The following EFTUD2 variants were observed in gnomAD, a reference collection of about 807,000 sequenced individuals.
The protein encoded by EFTUD2 is 116 kDa U5 small nuclear ribonucleoprotein component.
Under a neutral mutation model 114.3 loss-of-function variants are expected in EFTUD2, and 9 were observed. The ratio of observed to expected loss-of-function variants is 0.08; its 90% CI spans 0.05 to 0.14. The LOEUF (loss-of-function observed/expected upper bound fraction) is 0.14. Among genes scored for constraint, EFTUD2 ranks in the 10% least tolerant of loss-of-function variants. The probability of loss-of-function intolerance (pLI) is 1.00; values close to 1 mark genes in which losing one functional copy is unlikely to be tolerated. For missense variants in EFTUD2, 765 were observed against 1,241.2 expected (o/e 0.62, Z 5.76); for synonymous variants, 449 against 462.3 (o/e 0.97, Z 0.37).
chr17:44,870,884 G>A (rs1023120493), intron 11 of EFTUD2, among the ~76,000 whole-genome samples: 3 of 151,976 alleles, frequency 2.0e-5, no homozygotes, highest in Non-Finnish European at 4.4e-5. Context: ...TGGGCATGGT[G>A]GCATGTACCT....
rs530426791 is a variant in EFTUD2, at chr17:44,894,326, C to T, written c.105+91G>A. On this transcript the variant is annotated intron_variant, in intron 2 of 27. Transcript: ENST00000426333. ...TGGAGGTTGCAGTGAGCTGAGATTG[C>T]GCCACTGCACTCCAACCTGGCAAGA... 76 of 1,066,944 alleles carry T rather than the reference C, an allele frequency of 7.1e-5. No homozygotes were observed. In the Admixed American group the frequency reaches 1.0e-3, roughly 15 times the overall value. The allele number at this position is 1,066,944 out of a possible 1,614,324, so 66.1% of individuals were successfully genotyped here. A position where few individuals can be genotyped will look rare whatever the true frequency, so the allele number is the denominator to read the frequency against.
intron 13 of EFTUD2, among the ~76,000 whole-genome samples, chr17:44,865,456 C>T (rs191854405): frequency 6.6e-6 from 1 of 152,288 alleles, no homozygotes; most frequent in Admixed American, 6.5e-5. Context: ...AAAAAGGTCA[C>T]CTTGCTGTGG....
chr17:44,868,141 C>T, intron 12 of EFTUD2, 146 bp downstream of exon 12: 1 of 853,356 alleles, frequency 1.2e-6, no homozygotes, highest in Non-Finnish European at 1.7e-6. Context: ...GGAAGCCAAC[C>T]CATTTAGGGG....
rs764804346 is a variant in EFTUD2, at chr17:44,885,282, T to C, written c.324A>G (p.Thr108=). ...CCATCTCATACACCGTAACAGGTAA[T>C]GTCTGCTCCATCAGAGTGAATTTCT... is the stretch of plus-strand genomic sequence containing the variant. ...KTKKFTLMEQ[T]LPVTVYEMDF... Residue 108 remains threonine (T), a synonymous_variant, in exon 4 of 28, where the codon ACA becomes ACG. Transcript: ENST00000426333. 1.2e-6 allele frequency: 2 copies of C among 1,614,030 alleles called. No individual in the cohort carries two copies. Among genetic ancestry groups the C allele is most frequent in the East Asian group, 2.2e-5 (1 of 44,874 alleles).
At chr17:44,860,580 G>T (rs1469188641) in intron 16 of EFTUD2, 37 bp from the exon 17 acceptor site, 2 of 1,299,702 alleles carry the variant, frequency 1.5e-6, no homozygotes, top group Non-Finnish European at 2.2e-6. Flanking sequence ...TGAAACTTAG[G>T]CAGAGCATTC....
At position 44,865,070 on chromosome 17, in the gene EFTUD2, G is replaced by A. The variant is rs376899728; in HGVS notation, c.1150-5C>T. 3 of 1,614,162 alleles carry A rather than the reference G, an allele frequency of 1.9e-6. No individual in the cohort carries two copies. The highest frequency in any genetic ancestry group is 1.3e-5 in the African/African-American group (1 of 75,034). On this transcript the variant is annotated splice_polypyrimidine_tract_variant and splice_region_variant and intron_variant, in intron 13 of 27. Transcript: ENST00000426333. The stretch of plus-strand genomic sequence containing the variant: ...GGTGTCCACGTCACCTACAACCTGT[G>A]AGGGTGTAAGACACCATGTCAGCTG...
intron 2 of EFTUD2, among the ~76,000 whole-genome samples, chr17:44,890,475 C>T (rs2051259573): frequency 6.6e-6 from 1 of 151,520 alleles, no homozygotes; most frequent in Non-Finnish European, 1.5e-5. Context: ...GGCAGATCAC[C>T]TAAGGTTGGG....
At chr17:44,870,044 C>T (rs1361928472) in intron 11 of EFTUD2, among the ~76,000 whole-genome samples, 2 of 152,194 alleles carry the variant, frequency 1.3e-5, no homozygotes, top group Admixed American at 1.3e-4. Context: ...GGCATAGTTT[C>T]CCCTCATGTA....
Position 44,850,913 on chromosome 17 carries a change from G to C in EFTUD2, c.*361C>G. 1 of 293,902 alleles carries C rather than the reference G, an allele frequency of 3.4e-6. No individual in the cohort carries two copies. The highest frequency in any genetic ancestry group is 1.2e-3 in the Middle Eastern group (1 of 824). 18.2% of individuals were successfully genotyped at this position (293,902 alleles called of 1,614,324 possible). On this transcript the variant is annotated 3_prime_UTR_variant, in exon 28 of 28. Coordinates refer to ENST00000426333, the MANE Select transcript of EFTUD2 (RefSeq NM_004247.4). ...GATGAAAGGAGCAGAGCAAGACAGA[G>C]GTCAGAATGTTCTGTTCACTTGCAA...
rs75764742 is a variant in EFTUD2, at chr17:44,866,944, A to G, written c.1149+863T>C. On this transcript the variant is annotated intron_variant, in intron 13 of 27. Transcript: ENST00000426333. ...AATGGCAAGACCCTGTCTCTACACA[A>G]AATTTTTTAAAAGTTAGCCAGGCAT... 8.8e-3 allele frequency among the ~76,000 whole-genome samples: 1,345 copies of G among 152,178 alleles called. 17 individuals are homozygous for G. Among genetic ancestry groups the G allele is most frequent in the African/African-American group, 0.03 (1,260 of 41,504 alleles).
chr17:44,853,153 A>T, intron 25 of EFTUD2, 143 bp downstream of exon 25: 2 of 837,934 alleles, frequency 2.4e-6, no homozygotes, highest in Non-Finnish European at 3.7e-6. Context: ...CTCCGCTCCT[A>T]CTTCTTTCTG....
intron 6 of EFTUD2, 171 bp from the exon 7 acceptor site, chr17:44,881,893 C>T: frequency 1.6e-6 from 1 of 611,994 alleles, no homozygotes. Flanking sequence ...CCAGTGCCCT[C>T]CCAGCTGGAA....
At position 44,854,195 on chromosome 17, in the gene EFTUD2, T is replaced by C; in HGVS notation, c.2347+74A>G. 6.7e-7 allele frequency: 1 copy of C among 1,490,802 alleles called. No individual in the cohort carries two copies. Among genetic ancestry groups the C allele is most frequent in the East Asian group, 2.3e-5 (1 of 43,810 alleles). The allele number at this position is 1,490,802 out of a possible 1,614,324, so 92.3% of individuals were successfully genotyped here. A position where few individuals can be genotyped will look rare whatever the true frequency, so the allele number is the denominator to read the frequency against. On this transcript the variant is annotated intron_variant, in intron 23 of 27. Transcript: ENST00000426333. The surrounding 1 kb of genome is among the most constrained non-coding windows in gnomAD (Gnocchi z 4.3). ...TTCTCCTGCCGAATCCTAAAGATGGTGAGCCCATCCCACTCATATGCCTGG... is the reference window on the plus strand; with the variant it reads ...TTCTCCTGCCGAATCCTAAAGATGGCGAGCCCATCCCACTCATATGCCTGG...
intron 13 of EFTUD2, among the ~76,000 whole-genome samples, chr17:44,866,458 T>A (rs2050747713): frequency 6.6e-6 from 1 of 152,190 alleles, no homozygotes; most frequent in South Asian, 2.1e-4. Flanking sequence ...TCACCCAGGC[T>A]GGAGTGCAGT....
At chr17:44,892,116 TTC>T (rs1265364015) in intron 2 of EFTUD2, 1 of 152,216 alleles carries the variant, frequency 6.6e-6, no homozygotes, top group Non-Finnish European at 1.5e-5. Context: ...TGAATTTAGA[TTC>T]TGTTATCCAA....
intron 18 of EFTUD2, 78 bp downstream of exon 18, chr17:44,859,827 G>T (rs1233836120): frequency 6.3e-7 from 1 of 1,599,092 alleles, no homozygotes; most frequent in East Asian, 2.2e-5. Context: ...ACACCTGATG[G>T]ATGGGAAGCG....
At chr17:44,856,888 G>A (rs1048500357) in intron 20 of EFTUD2, among the ~76,000 whole-genome samples, 187 bp downstream of exon 20, 3 of 152,190 alleles carry the variant, frequency 2.0e-5, no homozygotes, top group African/African-American at 7.2e-5. Context: ...ATAATCCCAT[G>A]TCATTGTGTT....
In EFTUD2 at chr17:44,865,025, T is replaced by C. The variant is rs2050720270; in HGVS notation, c.1190A>G (p.Asp397Gly). 6.2e-7 allele frequency: 1 copy of C among 1,614,026 alleles called. No homozygotes were observed. The highest frequency in any genetic ancestry group is 1.3e-5 in the African/African-American group (1 of 74,896). Residue 397 changes from aspartate (D) to glycine (G), a missense_variant, in exon 14 of 28, where the codon GAC (aspartate) becomes GGC (glycine). By Grantham distance (94) the Asp-to-Gly change is moderately conservative. This residue lies in a region of EFTUD2 where 251 missense variants were observed against 357.7 expected (regional missense o/e 0.70). Transcript: ENST00000426333. Reference protein sequence around the residue: ...DVDTSLPRTLDELGIHLTKEE... With the variant: ...DVDTSLPRTLGELGIHLTKEE... Reference sequence around the variant, plus strand: ...CTTCGTCAGGTGGATGCCAAGCTCGTCTAGGGTCCGTGGGAGGCTGGTGTC... The same window carrying C: ...CTTCGTCAGGTGGATGCCAAGCTCGCCTAGGGTCCGTGGGAGGCTGGTGTC...
In EFTUD2 at chr17:44,857,158, C is replaced by T. The variant is rs765835040; in HGVS notation, c.1963-1G>A. The T allele has an allele frequency of 6.2e-7, 1 of 1,613,700 alleles. No individual in the cohort carries two copies. ...AAAACGTGACAACTGGGTCAGCCAC[C>T]TGGGAAACAGAAAATAAATTACTGA... On this transcript the variant is annotated splice_acceptor_variant, in intron 19 of 27. Coordinates refer to ENST00000426333, the MANE Select transcript of EFTUD2 (RefSeq NM_004247.4). LOFTEE classifies it high-confidence loss of function.
Sources: gnomAD v4.1 joint callset for allele counts (sites outside exome capture counted in the v4.1 genomes callset) on GRCh38, gnomAD v4.1.1 for gene constraint, gnomAD v4.1.1 regional missense constraint, Gnocchi (gnomAD v3.1) non-coding constraint, MANE v1.5 for transcripts, NCBI Gene and HGNC (gene_info 2026-07-23, HGNC 2026-07-21) for gene names.